Variants in SOX5 observed in about 807,000 individuals in gnomAD.
SOX5 encodes SRY-box transcription factor 5, also known as transcription factor SOX-5.
Under a neutral mutation model 92.0 loss-of-function variants are expected in SOX5, and 9 were observed. The observed-to-expected ratio is 0.10, with a 90% CI of 0.06 to 0.17. The LOEUF (loss-of-function observed/expected upper bound fraction) is 0.17. Among genes scored for constraint, SOX5 ranks in the 10% least tolerant of loss-of-function variants. SOX5 has a pLI of 1.00. For synonymous variants in SOX5, 344 were observed against 336.3 expected, an observed-to-expected ratio of 1.02 and a Z score of -0.25; for missense variants, 642 against 944.5, an observed-to-expected ratio of 0.68 and a Z score of 4.20.
intron 1 of SOX5, among the ~76,000 whole-genome samples, chr12:24,428,727 A>AAAAAAAAAAC (rs1967034159): frequency 6.1e-5 from 1 of 16,472 alleles, no homozygotes; most frequent in Non-Finnish European, 1.1e-4. Context: ...TCTGTTTCTC[A>AAAAAAAAAAC]AAAAAAAAAA....
At chr12:24,030,838 C>T (rs188502643) in intron 4 of SOX5, among the ~76,000 whole-genome samples, 10 of 151,854 alleles carry the variant, frequency 6.6e-5, no homozygotes, top group African/African-American at 1.2e-4. Flanking sequence ...ATTAAAATAG[C>T]TCATAGCAAC....
At chr12:23,922,208 G>T (rs548622984) in intron 1 of SOX5, among the ~76,000 whole-genome samples, 1 of 152,066 alleles carries the variant, frequency 6.6e-6, no homozygotes, top group Non-Finnish European at 1.5e-5. Context: ...CAATGTGGTG[G>T]TTGCCAATAC....
intron 3 of SOX5, among the ~76,000 whole-genome samples, chr12:23,756,685 C>T (rs1241693502): frequency 6.6e-6 from 1 of 151,838 alleles, no homozygotes; most frequent in Non-Finnish European, 1.5e-5. Context: ...AATAACAATA[C>T]CCACACTTAT....
chr12:24,384,636 C>T (rs1246699642), intron 1 of SOX5, among the ~76,000 whole-genome samples: 1 of 152,136 alleles, frequency 6.6e-6, no homozygotes, highest in African/African-American at 2.4e-5. Flanking sequence ...GAAGTTAATG[C>T]TCATTTTACT....
At chr12:24,008,278 A>G (rs1952537172) in intron 4 of SOX5, among the ~76,000 whole-genome samples, 1 of 152,214 alleles carries the variant, frequency 6.6e-6, no homozygotes, top group African/African-American at 2.4e-5. Context: ...GACACATAGT[A>G]TCAATTATTA....
chr12:24,326,531 G>A (rs1950698033), intron 2 of SOX5, among the ~76,000 whole-genome samples: 1 of 152,078 alleles, frequency 6.6e-6, no homozygotes, highest in Non-Finnish European at 1.5e-5. Flanking sequence ...TAGTTGGTGA[G>A]TAAATATTTT....
intron 4 of SOX5, among the ~76,000 whole-genome samples, chr12:23,990,998 G>T (rs551802239): frequency 4.5e-4 from 69 of 151,754 alleles, no homozygotes; most frequent in African/African-American, 1.5e-3. Context: ...CTATTTGGAA[G>T]ATCCTTTATC....
chr12:24,076,362 C>G (rs988142511), intron 4 of SOX5, among the ~76,000 whole-genome samples: 2 of 152,138 alleles, frequency 1.3e-5, no homozygotes, highest in African/African-American at 4.8e-5. Context: ...TACTTACTCT[C>G]TATTATCTAT....
chr12:24,261,387 G>T (rs1195397702), intron 3 of SOX5, among the ~76,000 whole-genome samples: 2 of 152,058 alleles, frequency 1.3e-5, no homozygotes, highest in African/African-American at 4.8e-5. Context: ...ATTTACCATT[G>T]CTCCCAACAC....
intron 4 of SOX5, among the ~76,000 whole-genome samples, chr12:24,141,627 C>T (rs1313165471): frequency 2.6e-5 from 4 of 152,196 alleles, no homozygotes; most frequent in African/African-American, 9.7e-5. Context: ...TCCCAATGGA[C>T]GGGTACCCTC....
At chr12:23,846,918 C>A (rs1436818860) in intron 2 of SOX5, among the ~76,000 whole-genome samples, 2 of 152,048 alleles carry the variant, frequency 1.3e-5, no homozygotes, top group East Asian at 1.9e-4. Flanking sequence ...AGGTTTGTTG[C>A]AGTTTTTGCT....
At chr12:23,584,531 C>T (rs768661215) in intron 9 of SOX5, 9 of 1,571,100 alleles carry the variant, frequency 5.7e-6, no homozygotes, top group South Asian at 1.1e-5. Flanking sequence ...AAGAGTCATT[C>T]CCAGTGCTCA....
At chr12:24,134,247 T>C (rs1949915512) in intron 4 of SOX5, among the ~76,000 whole-genome samples, 1 of 152,150 alleles carries the variant, frequency 6.6e-6, no homozygotes, top group African/African-American at 2.4e-5. Context: ...TCAGAAGGAA[T>C]GAAGAAAAGT....
intron 4 of SOX5, among the ~76,000 whole-genome samples, chr12:24,056,356 T>G (rs184450071): frequency 6.6e-6 from 1 of 152,334 alleles, no homozygotes; most frequent in Admixed American, 6.5e-5. Flanking sequence ...CATCACAAAA[T>G]AATTTCAACT....
chr12:23,895,208 C>CAA (rs33970684), intron 2 of SOX5, among the ~76,000 whole-genome samples: 37,658 of 90,406 alleles, frequency 0.42, 6,512 homozygotes, highest in Non-Finnish European at 0.51. Flanking sequence ...GAATAGGATG[C>CAA]AAAAAAAAAA....
chr12:23,944,375 CT>C (rs545515822), intron 1 of SOX5: 3 of 152,172 alleles, frequency 2.0e-5, no homozygotes, highest in African/African-American at 4.8e-5. Flanking sequence ...CAACACCCCC[CT>C]ATTGGACAAG....
intron 1 of SOX5, among the ~76,000 whole-genome samples, chr12:24,484,763 C>T (rs1287759402): frequency 1.3e-5 from 2 of 152,154 alleles, no homozygotes; most frequent in East Asian, 3.8e-4. Context: ...CACTCAGGAC[C>T]TTTTTCCATC....
chr12:23,616,999 T>A (rs1425356368), intron 8 of SOX5, among the ~76,000 whole-genome samples: 1 of 151,906 alleles, frequency 6.6e-6, no homozygotes, highest in African/African-American at 2.4e-5. Context: ...CATAATGGCA[T>A]GTGCAGTCCT....
chr12:23,577,557 A>T lies in SOX5; in HGVS notation c.1165-1719T>A, dbSNP rs567229163. Among the ~76,000 whole-genome samples, 22 of 152,038 alleles carry T rather than the reference A, an allele frequency of 1.4e-4. 1 individual carries two copies. Among genetic ancestry groups the T allele is most frequent in the Admixed American group, 1.4e-3 (22 of 15,250 alleles). Reference sequence around the variant, plus strand: ...TAGATTATTATTTGATTCTGTGGTTATGTGCACTTAAGAATCCCATGAACA... The same window carrying T: ...TAGATTATTATTTGATTCTGTGGTTTTGTGCACTTAAGAATCCCATGAACA... On this transcript the variant is annotated intron_variant, in intron 9 of 14. Coordinates refer to ENST00000451604, the MANE Select transcript of SOX5 (RefSeq NM_006940.6).
Sources: allele counts gnomAD v4.1 joint callset (sites outside exome capture counted in the v4.1 genomes callset), GRCh38; gene constraint gnomAD v4.1.1; transcripts MANE v1.5; gene names NCBI Gene and HGNC (gene_info 2026-07-23, HGNC 2026-07-21).